Variants in COL4A2 observed in about 807,000 individuals in gnomAD.
COL4A2 encodes the protein collagen alpha-2(IV) chain.
A neutral mutation model predicts 200.2 loss-of-function variants in COL4A2; 99 were observed. The observed-to-expected ratio is 0.49, with a 90% CI of 0.42 to 0.58. The LOEUF is 0.58. COL4A2 is among the 20% of genes least tolerant of loss of function. COL4A2 has a pLI of 0.00. For synonymous variants in COL4A2, 897 were observed against 900.6 expected (o/e 1.00, Z 0.07); for missense variants, 1,950 against 2,314.1 (o/e 0.84, Z 3.23).
At chr13:110,506,687 TC>T (rs1159092920) in intron 46 of COL4A2, 81 bp downstream of exon 46, 15 of 1,381,574 alleles carry the variant, frequency 1.1e-5, no homozygotes, top group Non-Finnish European at 1.4e-5. Context: ...ACAGCGAGAC[TC>T]CCAAACCCTC....
intron 22 of COL4A2, among the ~76,000 whole-genome samples, chr13:110,461,055 G>A (rs1056395645): frequency 6.6e-6 from 1 of 152,208 alleles, no homozygotes; most frequent in Admixed American, 6.5e-5. Flanking sequence ...GCTCACGTTT[G>A]AAAACACAAC....
chr13:110,505,212 T>C (rs183939813), intron 45 of COL4A2, among the ~76,000 whole-genome samples: 57 of 151,328 alleles, frequency 3.8e-4, no homozygotes, highest in South Asian at 1.3e-3. Flanking sequence ...TAGCCGGGCG[T>C]GGTGGCGGGC....
At chr13:110,501,290 C>T (rs1258267104) in intron 40 of COL4A2, among the ~76,000 whole-genome samples, 1 of 152,256 alleles carries the variant, frequency 6.6e-6, no homozygotes, top group African/African-American at 2.4e-5. Flanking sequence ...TGTCCATCAC[C>T]TGTGCTGACC....
rs78829338 is a variant in COL4A2 at position 110,469,223 on chromosome 13, A to G, written c.2102A>G (p.Lys701Arg). ...LPGPPGPTGA[K>R]GLRGIPGFAG... The stretch of plus-strand genomic sequence containing the variant: ...GGTTTATTTGGTTATTTAGGTGCCA[A>G]AGGCCTCCGAGGAATCCCAGGCTTC... The change falls in exon 28 of 48, where the codon AAA becomes AGA. Residue 701 changes from lysine to arginine, a missense_variant. Coordinates refer to ENST00000360467, the MANE Select transcript of COL4A2 (RefSeq NM_001846.4). 7,882 of 1,591,600 alleles carry G rather than the reference A, an allele frequency of 5.0e-3. 331 individuals are homozygous for G. The Admixed American group carries it at 0.093, about 19-fold the overall frequency.
At chr13:110,465,683 C>A in intron 25 of COL4A2, 77 bp downstream of exon 25, 1 of 1,294,006 alleles carries the variant, frequency 7.7e-7, no homozygotes. Context: ...TAGACGTTTC[C>A]CAGTAGAGTC....
At chr13:110,432,420 G>A (rs1594210997) in intron 11 of COL4A2, 60 bp downstream of exon 11, 1 of 1,536,730 alleles carries the variant, frequency 6.5e-7, no homozygotes, top group East Asian at 2.3e-5. Context: ...TTGTGGGTTT[G>A]TTTGTTTTTT....
chr13:110,379,485 A>G (rs1594179541), intron 4 of COL4A2, among the ~76,000 whole-genome samples: 1 of 152,284 alleles, frequency 6.6e-6, no homozygotes, highest in East Asian at 1.9e-4. Context: ...GGCTCTGTGT[A>G]TACCTCAAAT....
Position 110,424,803 on chromosome 13 carries a change from C to G in COL4A2, c.250C>G (p.Gln84Glu). 1 of 1,613,608 alleles carries G rather than the reference C, an allele frequency of 6.2e-7. No individual in the cohort carries two copies. The highest frequency in any genetic ancestry group is 8.5e-7 in the Non-Finnish European group (1 of 1,179,504). The change falls in exon 5 of 48, where the codon CAG becomes GAG. Residue 84 changes from glutamine to glutamate, a missense_variant. Physicochemically the swap from Gln to Glu is conservative, Grantham distance 29 (BLOSUM62 2). Around this residue, in one of 2 missense-constraint regions of COL4A2, gnomAD observed 565 missense variants for 593.5 expected, o/e 0.95. Transcript: ENST00000360467. ...AGGATTACAAGGATTCCCGGGACTG[C>G]AGGGACGTAAAGGAGACAAGGGTGA... ...PPGLQGFPGLQGRKGDKGERG... is the reference protein window; with the variant it reads ...PPGLQGFPGLEGRKGDKGERG...
At chr13:110,363,074 C>T (rs1036474543) in intron 4 of COL4A2, among the ~76,000 whole-genome samples, 4 of 152,252 alleles carry the variant, frequency 2.6e-5, no homozygotes, top group East Asian at 3.9e-4. Context: ...TGGATAACTC[C>T]GTGTTGGGAA....
intron 4 of COL4A2, among the ~76,000 whole-genome samples, chr13:110,369,019 C>T (rs1490891652): frequency 6.6e-6 from 1 of 152,070 alleles, no homozygotes; most frequent in Non-Finnish European, 1.5e-5. Flanking sequence ...CCATCCTGGC[C>T]AACATGGTGA....
chr13:110,349,271 G>T (rs772834580), intron 3 of COL4A2, among the ~76,000 whole-genome samples: 2 of 152,124 alleles, frequency 1.3e-5, no homozygotes, highest in Non-Finnish European at 2.9e-5. Flanking sequence ...GTGACATTGG[G>T]CAGTTTTCTC....
intron 47 of COL4A2, among the ~76,000 whole-genome samples, chr13:110,511,085 G>A (rs1260748762): frequency 6.6e-6 from 1 of 151,906 alleles, no homozygotes. Flanking sequence ...TCTATTCTAA[G>A]TAAACAGATT....
intron 4 of COL4A2, among the ~76,000 whole-genome samples, chr13:110,375,395 G>C (rs751161253): frequency 6.6e-6 from 1 of 152,170 alleles, no homozygotes; most frequent in African/African-American, 2.4e-5. Flanking sequence ...TGGAACTTCC[G>C]CAACAGTCAT....
intron 47 of COL4A2, among the ~76,000 whole-genome samples, chr13:110,509,270 T>TATATATATACACACAC (rs1435137108): frequency 1.7e-5 from 2 of 115,578 alleles, no homozygotes; most frequent in African/African-American, 7.0e-5. Context: ...TATATATATA[T>TATATATATACACACAC]ACACACACAC....
In COL4A2 at chr13:110,482,565, C is replaced by CA. The variant is rs748627735; in HGVS notation, c.2811dup (p.Gly938ArgfsTer26). 1 of 1,614,116 alleles carries CA rather than the reference C, an allele frequency of 6.2e-7. No individual in the cohort carries two copies. The highest frequency in any genetic ancestry group is 8.5e-7 in the Non-Finnish European group (1 of 1,180,010). ...ATGGTTTCCAAGGCATGCCTGGACT[C>CA]AAAGGGAGACCCGGGTTTCCAGGGA... On this transcript the variant is annotated frameshift_variant, in exon 32 of 48. Coordinates refer to ENST00000360467, the MANE Select transcript of COL4A2 (RefSeq NM_001846.4). LOFTEE classifies it high-confidence loss of function.
intron 20 of COL4A2, among the ~76,000 whole-genome samples, chr13:110,455,221 G>C (rs558175344): frequency 6.4e-4 from 98 of 152,206 alleles, no homozygotes; most frequent in African/African-American, 2.3e-3. Flanking sequence ...TACTGCCCTC[G>C]GGGTAAAAGC....
intron 28 of COL4A2, among the ~76,000 whole-genome samples, chr13:110,472,240 T>C (rs192245197): frequency 2.6e-4 from 39 of 151,970 alleles, no homozygotes; most frequent in African/African-American, 4.3e-4. Flanking sequence ...CTCAGCCTCC[T>C]GAGTAGCTGG....
In COL4A2 at chr13:110,385,643, T is replaced by TGC. The variant is rs1878687208; in HGVS notation, c.180+28091_180+28092insGC. 1.7e-4 allele frequency among the ~76,000 whole-genome samples: 25 copies of TGC among 150,322 alleles called. 11 individuals are homozygous for TGC. Among genetic ancestry groups the TGC allele is most frequent in the Admixed American group, 3.3e-4 (5 of 15,150 alleles). On this transcript the variant is annotated intron_variant, in intron 4 of 47. Transcript: ENST00000360467. ...CTACAGTGTGTGGATAGGCCGTGGCTACAGTGTGTGGATAGACCGTGGCTG... is the reference window on the plus strand; with the variant it reads ...CTACAGTGTGTGGATAGGCCGTGGCTGCACAGTGTGTGGATAGACCGTGGCTG...
At position 110,307,944 on chromosome 13, in the gene COL4A2, G is replaced by C. The variant is rs1324354794; in HGVS notation, c.41G>C (p.Arg14Pro). The change falls in exon 2 of 48, where the codon CGG (arginine) becomes CCG (proline). Residue 14 changes from arginine (R) to proline (P), a missense_variant. Arg to Pro is a moderately radical substitution (Grantham distance 103). Transcript: ENST00000360467. The surrounding 1 kb of genome is among the most constrained non-coding windows in gnomAD (Gnocchi z 5.0). ...CGCGCGGTGGCCGGCCCTGCCCTAC[G>C]GCGGTAAGCGACTTTCTGCCTGGTC... is the stretch of plus-strand genomic sequence containing the variant. ...DQRAVAGPAL[R>P]RWLLLGTVTV... 1 of 1,612,876 alleles carries C rather than the reference G, an allele frequency of 6.2e-7. No homozygotes were observed.
Sources: gnomAD v4.1 joint callset for allele counts (sites outside exome capture counted in the v4.1 genomes callset) on GRCh38, gnomAD v4.1.1 for gene constraint, gnomAD v4.1.1 regional missense constraint, Gnocchi (gnomAD v3.1) non-coding constraint, MANE v1.5 for transcripts, NCBI Gene and HGNC (gene_info 2026-07-23, HGNC 2026-07-21) for gene names.